The following MARS1 variants were observed in gnomAD, a reference collection of about 807,000 sequenced individuals.
MARS1 encodes methionyl-tRNA synthetase 1, also known as methionine--tRNA ligase, cytoplasmic.
A neutral mutation model predicts 119.5 loss-of-function variants in MARS1; 80 were observed. That is an observed-to-expected ratio of 0.67 (90% CI 0.56 to 0.81). The LOEUF (loss-of-function observed/expected upper bound fraction) is 0.81. MARS1 is among the 30% of genes least tolerant of loss of function. MARS1 has a pLI of 0.00. For missense variants in MARS1, 945 were observed against 1,116.5 expected, an observed-to-expected ratio of 0.85 and a Z score of 2.19; for synonymous variants, 418 against 433.4, an observed-to-expected ratio of 0.96 and a Z score of 0.44.
At position 57,516,584 on chromosome 12, in the gene MARS1, G is replaced by C; in HGVS notation, c.*3G>C. On this transcript the variant is annotated 3_prime_UTR_variant, in exon 21 of 21. Transcript: ENST00000262027. ...CTAAAGGCAAGAAGAAAAAGTAAAA[G>C]ACCTTGGCTCATAGAAAGTCACTTT... 1.3e-6 allele frequency: 2 copies of C among 1,567,376 alleles called. No individual in the cohort carries two copies. Among genetic ancestry groups the C allele is most frequent in the Non-Finnish European group, 8.6e-7 (1 of 1,163,990 alleles).
At chr12:57,515,738 A>G (rs1877773504) in intron 18 of MARS1, among the ~76,000 whole-genome samples, 182 bp from the exon 19 acceptor site, 1 of 152,132 alleles carries the variant, frequency 6.6e-6, no homozygotes, top group African/African-American at 2.4e-5. Context: ...TGACCCTACA[A>G]ATTATTTGGG....
chr12:57,511,853 A>G lies in MARS1; in HGVS notation c.1524A>G (p.Glu508=), dbSNP rs754137221. The G allele has an allele frequency of 9.9e-6, 16 of 1,613,982 alleles. No homozygotes were observed. Among genetic ancestry groups the G allele is most frequent in the Non-Finnish European group, 1.4e-5 (16 of 1,179,992 alleles). Residue 508 remains glutamate, a synonymous_variant, in exon 12 of 21, where the codon GAA becomes GAG. Coordinates refer to ENST00000262027, the MANE Select transcript of MARS1 (RefSeq NM_004990.4). ...AATGGGGAACCCCTGTACCCTTAGA[A>G]GGTTTTGAAGACAAGGTAAAAACCC... The part of the protein sequence containing the change: ...DLKWGTPVPL[E]GFEDKVFYVW...
chr12:57,505,372 G>A (rs544380176), intron 11 of MARS1, among the ~76,000 whole-genome samples: 1 of 152,176 alleles, frequency 6.6e-6, no homozygotes, highest in Non-Finnish European at 1.5e-5. Flanking sequence ...ATGTTGGCCA[G>A]GCTGGTCTCG....
intron 14 of MARS1, 139 bp downstream of exon 14, chr12:57,512,492 A>G: frequency 1.4e-6 from 1 of 704,158 alleles, no homozygotes; most frequent in Non-Finnish European, 2.4e-6. Context: ...TGAGAACTCA[A>G]CCTAGAGAAA....
At chr12:57,502,142 C>T (rs890852093) in intron 10 of MARS1, among the ~76,000 whole-genome samples, 5 of 152,062 alleles carry the variant, frequency 3.3e-5, no homozygotes, top group South Asian at 2.1e-4. Context: ...GTAAACTCCA[C>T]GGAGTTGGAT....
chr12:57,502,726 A>G (rs1406286731), intron 10 of MARS1, among the ~76,000 whole-genome samples: 6 of 130,102 alleles, frequency 4.6e-5, no homozygotes, highest in African/African-American at 1.1e-4. Context: ...AAAAAAAGCA[A>G]CAACAACAAA....
intron 8 of MARS1, 57 bp from the exon 9 acceptor site, chr12:57,498,363 C>T (rs1876743805): frequency 3.8e-6 from 6 of 1,597,350 alleles, no homozygotes; most frequent in African/African-American, 1.3e-5. Context: ...GGGGAGATCC[C>T]AAGGACAAGG....
chr12:57,509,510 G>A (rs563884069), intron 11 of MARS1, among the ~76,000 whole-genome samples: 3 of 152,040 alleles, frequency 2.0e-5, no homozygotes, highest in East Asian at 1.9e-4. Context: ...GGATTCAAGC[G>A]ATTCTCCTGC....
intron 15 of MARS1, among the ~76,000 whole-genome samples, chr12:57,513,201 T>C (rs1877608980): frequency 6.6e-6 from 1 of 152,196 alleles, no homozygotes; most frequent in African/African-American, 2.4e-5. Flanking sequence ...TGGGTTTTTG[T>C]AAATTGTTTC....
chr12:57,495,199 G>A (rs1255151557), intron 7 of MARS1, among the ~76,000 whole-genome samples: 4 of 151,074 alleles, frequency 2.6e-5, no homozygotes, highest in Non-Finnish European at 4.4e-5. Context: ...CGGATGGGGC[G>A]GCTGGCCAGG....
chr12:57,514,942 C>T lies in MARS1; in HGVS notation c.2100-12C>T. ...AGGACATTACACCTTGGCCTGCTTC[C>T]TCCCTTCCCAGGATCCGGGATGCCT... On this transcript the variant is annotated splice_polypyrimidine_tract_variant and intron_variant, in intron 16 of 20. Coordinates refer to ENST00000262027, the MANE Select transcript of MARS1 (RefSeq NM_004990.4). 6.2e-7 allele frequency: 1 copy of T among 1,614,144 alleles called. No homozygotes were observed. Among genetic ancestry groups the T allele is most frequent in the Non-Finnish European group, 8.5e-7 (1 of 1,179,990 alleles).
intron 11 of MARS1, among the ~76,000 whole-genome samples, chr12:57,508,531 C>G (rs866015485): frequency 1.3e-5 from 2 of 152,376 alleles, no homozygotes; most frequent in East Asian, 3.9e-4. Context: ...CGTGGCGGCA[C>G]GCGCCCGCAA....
At chr12:57,509,038 A>T (rs899058716) in intron 11 of MARS1, among the ~76,000 whole-genome samples, 1 of 152,094 alleles carries the variant, frequency 6.6e-6, no homozygotes, top group Admixed American at 6.5e-5. Context: ...TTTTTAATTT[A>T]GTTAACTATT....
intron 7 of MARS1, among the ~76,000 whole-genome samples, chr12:57,495,620 A>G (rs955062788): frequency 3.3e-5 from 5 of 152,206 alleles, no homozygotes; most frequent in African/African-American, 4.8e-5. Context: ...AGAGGCTGCA[A>G]TCTTGGCACT....
chr12:57,493,297 TATATATA>T (rs1319426581), intron 7 of MARS1, among the ~76,000 whole-genome samples: 3 of 111,340 alleles, frequency 2.7e-5, no homozygotes, highest in Non-Finnish European at 3.4e-5. Context: ...TTTGAGTATA[TATATATA>T]ATATATATTA....
At chr12:57,512,529 G>C (rs1877571147) in intron 14 of MARS1, 176 bp downstream of exon 14, 1 of 651,316 alleles carries the variant, frequency 1.5e-6, no homozygotes, top group East Asian at 2.7e-5. Flanking sequence ...GAAAGCAAAA[G>C]TCTAAAGCTA....
chr12:57,505,672 T>C (rs1877149615), intron 11 of MARS1, among the ~76,000 whole-genome samples: 1 of 150,888 alleles, frequency 6.6e-6, no homozygotes, highest in African/African-American at 2.4e-5. Context: ...ATTAGCCGGG[T>C]ATGGTGGTGC....
intron 7 of MARS1, among the ~76,000 whole-genome samples, chr12:57,492,208 G>C (rs1876003494): frequency 6.6e-6 from 1 of 151,588 alleles, no homozygotes; most frequent in Non-Finnish European, 1.5e-5. Flanking sequence ...GAACCTGGGA[G>C]GCGGAGGTTG....
chr12:57,498,653 G>A (rs751846141), intron 9 of MARS1, 30 bp downstream of exon 9: 1 of 1,600,804 alleles, frequency 6.2e-7, no homozygotes, highest in African/African-American at 1.3e-5. Flanking sequence ...GCAGAAATGG[G>A]GCTTGAAGGC....
Sources: allele counts gnomAD v4.1 joint callset (sites outside exome capture counted in the v4.1 genomes callset), GRCh38; gene constraint gnomAD v4.1.1; transcripts MANE v1.5; gene names NCBI Gene and HGNC (gene_info 2026-07-23, HGNC 2026-07-21).